PIAS1: variants seen among roughly 807,000 people sequenced by gnomAD.
The protein encoded by PIAS1 is E3 SUMO-protein ligase PIAS1.
In PIAS1, 6 loss-of-function variants were observed where a neutral mutation model predicts 71.3. That is an observed-to-expected ratio of 0.08 (90% CI 0.05 to 0.17). The LOEUF (loss-of-function observed/expected upper bound fraction) is 0.17, where lower values mean the gene tolerates loss of function less well. Ranked by LOEUF, PIAS1 falls within the 10% of genes least tolerant of loss-of-function variation. The pLI, the probability that PIAS1 is intolerant of heterozygous loss-of-function variation, is 1.00. For missense variants in PIAS1, 555 were observed against 793.6 expected (o/e 0.70, Z 3.61); for synonymous variants, 303 against 292.9 (o/e 1.03, Z -0.35).
chr15:68,062,931 A>G (rs138088429), intron 1 of PIAS1, among the ~76,000 whole-genome samples: 4 of 152,284 alleles, frequency 2.6e-5, no homozygotes, highest in South Asian at 2.1e-4. Flanking sequence ...AATATTTCCT[A>G]TGTATGTTTA....
At chr15:68,083,939 G>A (rs1056397309) in intron 1 of PIAS1, among the ~76,000 whole-genome samples, 4 of 152,108 alleles carry the variant, frequency 2.6e-5, no homozygotes, top group African/African-American at 9.6e-5. Context: ...TATGTACCAA[G>A]TATTGTTATT....
At chr15:68,142,107 T>C in intron 3 of PIAS1, 77 bp downstream of exon 3, 1 of 1,053,290 alleles carries the variant, frequency 9.5e-7, no homozygotes, top group Non-Finnish European at 1.4e-6. Flanking sequence ...TAAAAAACAG[T>C]GATTGGTGAG....
In PIAS1 at chr15:68,189,337, T is replaced by G. The variant is rs2093107696; in HGVS notation, c.*1502T>G. 4 of 152,214 alleles carry G rather than the reference T, an allele frequency of 2.6e-5. No homozygotes were observed. In the South Asian group the frequency reaches 8.3e-4, roughly 31 times the overall value. 9.4% of individuals were successfully genotyped at this position (152,214 alleles called of 1,614,324 possible). A position where few individuals can be genotyped will look rare whatever the true frequency, so the allele number is the denominator to read the frequency against. Reference sequence around the variant, plus strand: ...GAGAATGCAGGTTTAACAGAAGAGATAAGGGGCATAATGACTGCTGGTTTT... The same window carrying G: ...GAGAATGCAGGTTTAACAGAAGAGAGAAGGGGCATAATGACTGCTGGTTTT... On this transcript the variant is annotated 3_prime_UTR_variant, in exon 14 of 14. Transcript: ENST00000249636.
At chr15:68,116,987 A>G (rs767857483) in intron 2 of PIAS1, among the ~76,000 whole-genome samples, 1 of 152,184 alleles carries the variant, frequency 6.6e-6, no homozygotes, top group Non-Finnish European at 1.5e-5. Flanking sequence ...TCAGGTCAGA[A>G]TAATTTGCAT....
In PIAS1 at chr15:68,146,691, A is replaced by G; in HGVS notation, c.819A>G (p.Glu273=). The G allele has an allele frequency of 3.1e-6, 5 of 1,606,360 alleles. No homozygotes were observed. Among genetic ancestry groups the G allele is most frequent in the Non-Finnish European group, 4.3e-6 (5 of 1,175,244 alleles). The change falls in exon 6 of 14, where the codon GAA becomes GAG. Residue 273 remains glutamate, a synonymous_variant. Transcript: ENST00000249636. ...PNTIVVSWTA[E]IGRNYSMAVY... is the part of the protein sequence containing the mutation. ...CGATTGTTGTTTCTTGGACTGCAGA[A>G]ATTGGAAGAGTAAGTAAATTTTTGT...
chr15:68,144,103 G>A (rs1170008157), intron 4 of PIAS1, among the ~76,000 whole-genome samples: 2 of 143,282 alleles, frequency 1.4e-5, no homozygotes, highest in Non-Finnish European at 3.0e-5. Context: ...TAATTGAAAT[G>A]TATCTCCAGG....
chr15:68,137,867 T>G (rs762572742), intron 2 of PIAS1, among the ~76,000 whole-genome samples: 1 of 152,044 alleles, frequency 6.6e-6, no homozygotes, highest in Admixed American at 6.6e-5. Context: ...TAGAAACAAC[T>G]AAAGAAGATT....
chr15:68,163,252 A>G (rs1044004477), intron 7 of PIAS1, among the ~76,000 whole-genome samples: 1 of 152,374 alleles, frequency 6.6e-6, no homozygotes. Flanking sequence ...GATTTGGTGT[A>G]TAATGACAAA....
chr15:68,152,303 TA>T (rs2092853590), intron 6 of PIAS1, among the ~76,000 whole-genome samples: 1 of 152,136 alleles, frequency 6.6e-6, no homozygotes. Flanking sequence ...TTAATGAAGG[TA>T]AATTCGCTTT....
chr15:68,106,543 T>A (rs2092471797), intron 2 of PIAS1, among the ~76,000 whole-genome samples: 1 of 152,240 alleles, frequency 6.6e-6, no homozygotes, highest in African/African-American at 2.4e-5. Context: ...CAAATTCTAA[T>A]AGACACTTGC....
chr15:68,118,224 G>A (rs1234304520), intron 2 of PIAS1, among the ~76,000 whole-genome samples: 1 of 151,894 alleles, frequency 6.6e-6, no homozygotes, highest in Non-Finnish European at 1.5e-5. Flanking sequence ...TGGAGGCTAA[G>A]ACATGAGAAT....
intron 7 of PIAS1, among the ~76,000 whole-genome samples, chr15:68,156,726 A>G (rs1469229872): frequency 1.3e-5 from 2 of 150,308 alleles, no homozygotes; most frequent in Non-Finnish European, 3.0e-5. Flanking sequence ...AAAAAAAAAA[A>G]AAGAGAGAGA....
intron 1 of PIAS1, among the ~76,000 whole-genome samples, chr15:68,071,396 T>C (rs1019953953): frequency 6.6e-6 from 1 of 150,406 alleles, no homozygotes; most frequent in Admixed American, 6.6e-5. Flanking sequence ...TTTGTATTTT[T>C]AGTAGAGACG....
chr15:68,181,792 C>G (rs1197633004), intron 12 of PIAS1: 1 of 158,282 alleles, frequency 6.3e-6, no homozygotes, highest in African/African-American at 2.4e-5. Context: ...TCTCCTGCCT[C>G]AGCTTCCCGA....
At chr15:68,090,181 A>T (rs2092321350) in intron 2 of PIAS1, among the ~76,000 whole-genome samples, 1 of 151,738 alleles carries the variant, frequency 6.6e-6, no homozygotes, top group African/African-American at 2.4e-5. Context: ...CACCCAACTT[A>T]AATTGTATTT....
chr15:68,144,251 A>T (rs957823491), intron 4 of PIAS1, among the ~76,000 whole-genome samples: 7 of 152,184 alleles, frequency 4.6e-5, no homozygotes, highest in Admixed American at 3.3e-4. Context: ...TGTATTATTT[A>T]AGTTAGGAGT....
rs747905676 is a variant in PIAS1, at chr15:68,176,506, G to A, written c.1333G>A (p.Ala445Thr). The A allele has an allele frequency of 1.9e-5, 31 of 1,609,558 alleles. No individual in the cohort carries two copies. In the East Asian group the frequency reaches 6.5e-4, roughly 34 times the overall value. ...CLSSTLEHQV[A>T]SHHQSSNKNK... ...GAGCTCCACATTGGAGCATCAGGTAGCGTCTCACCACCAGTCCTCAAATAA... is the reference window on the plus strand; with the variant it reads ...GAGCTCCACATTGGAGCATCAGGTAACGTCTCACCACCAGTCCTCAAATAA... The change falls in exon 11 of 14, where the codon GCG becomes ACG. Residue 445 changes from alanine to threonine, a missense_variant. Transcript: ENST00000249636.
chr15:68,089,617 C>T (rs554538668), intron 2 of PIAS1, among the ~76,000 whole-genome samples: 1 of 152,066 alleles, frequency 6.6e-6, no homozygotes, highest in Non-Finnish European at 1.5e-5. Context: ...TGCAGTGGCA[C>T]AATCTAGGCT....
At chr15:68,163,764 CACAGCTCAGAACTTCTGTTGACTGTGTAT>C (rs2092939380) in intron 7 of PIAS1, among the ~76,000 whole-genome samples, 1 of 152,138 alleles carries the variant, frequency 6.6e-6, no homozygotes. Context: ...TTAGTTGTAC[CACAGCTCAGAACTTCTGTTGACTGTGTAT>C]ACAGCTACCC....
Sources: gnomAD v4.1 joint callset for allele counts (sites outside exome capture counted in the v4.1 genomes callset) on GRCh38, gnomAD v4.1.1 for gene constraint, MANE v1.5 for transcripts, NCBI Gene and HGNC (gene_info 2026-07-23, HGNC 2026-07-21) for gene names.